The following NMU variants were observed in gnomAD, a reference collection of about 807,000 sequenced individuals.
The protein encoded by NMU is neuromedin-U.
NMU carries 29 observed loss-of-function variants against 35.4 expected under a neutral mutation model. That is an observed-to-expected ratio of 0.82 (90% CI 0.61 to 1.12). The LOEUF (loss-of-function observed/expected upper bound fraction) is 1.12. Among genes scored for constraint, NMU ranks in the 50% most tolerant of loss-of-function variants. The pLI is 0.00. For synonymous variants in NMU, 78 were observed against 81.3 expected, an observed-to-expected ratio of 0.96 and a Z score of 0.22; for missense variants, 199 against 206.2, an observed-to-expected ratio of 0.97 and a Z score of 0.21.
Position 55,616,304 on chromosome 4 carries a change from T to C in NMU, c.219+34A>G, listed in dbSNP as rs1734106606. 1.9e-6 allele frequency: 3 copies of C among 1,542,800 alleles called. No individual in the cohort carries two copies. In the South Asian group the frequency reaches 3.3e-5, roughly 17 times the overall value. ...AGAGTTTAAGCACTACACAAACACC[T>C]ACATTATTACAAAATATCTTCAATT... On this transcript the variant is annotated intron_variant, in intron 3 of 9. Transcript: ENST00000264218.
intron 1 of NMU, among the ~76,000 whole-genome samples, chr4:55,631,391 C>T (rs1734747569): frequency 6.6e-6 from 1 of 152,070 alleles, no homozygotes; most frequent in South Asian, 2.1e-4. Flanking sequence ...ACAGACAACC[C>T]ACAGAGTAGG....
intron 1 of NMU, among the ~76,000 whole-genome samples, chr4:55,635,567 C>A (rs1019279861): frequency 2.0e-5 from 3 of 152,200 alleles, no homozygotes; most frequent in Non-Finnish European, 4.4e-5. Flanking sequence ...GCCCGTTGTA[C>A]CGCTCAGGTT....
chr4:55,598,155 A>G (rs1361559852), intron 9 of NMU, among the ~76,000 whole-genome samples: 1 of 139,822 alleles, frequency 7.2e-6, no homozygotes, highest in Non-Finnish European at 1.5e-5. Flanking sequence ...AATGCAGAGG[A>G]AAGATCATAG....
At chr4:55,619,855 C>T (rs1297400699) in intron 2 of NMU, among the ~76,000 whole-genome samples, 3 of 133,828 alleles carry the variant, frequency 2.2e-5, no homozygotes, top group East Asian at 4.5e-4. Flanking sequence ...GGGTCCCTGA[C>T]CCCTGACCCC....
chr4:55,626,996 A>G (rs1301573159), intron 2 of NMU, among the ~76,000 whole-genome samples: 1 of 151,912 alleles, frequency 6.6e-6, no homozygotes, highest in Non-Finnish European at 1.5e-5. Context: ...TCATCCACCA[A>G]CTCCCTTTGG....
At position 55,630,440 on chromosome 4, in the gene NMU, C is replaced by T; in HGVS notation, c.133G>A (p.Gly45Arg). 6.2e-7 allele frequency: 1 copy of T among 1,612,348 alleles called. No homozygotes were observed. Among genetic ancestry groups the T allele is most frequent in the Non-Finnish European group, 8.5e-7 (1 of 1,178,778 alleles). ...TGTAGCTGTTGTTCAGGCTGTAATCCTTGAGGTAATATTGGAGCACCTAAA... is the reference window on the plus strand; with the variant it reads ...TGTAGCTGTTGTTCAGGCTGTAATCTTTGAGGTAATATTGGAGCACCTAAA... ...ACRGAPILPQ[G>R]LQPEQQLQLW... Residue 45 changes from glycine (G) to arginine (R), a missense_variant, in exon 2 of 10, where the codon GGA becomes AGA. By Grantham distance (125) the Gly-to-Arg change is moderately radical (BLOSUM62 -2). Transcript: ENST00000264218.
At chr4:55,611,024 G>C (rs1370078983) in intron 3 of NMU, among the ~76,000 whole-genome samples, 1 of 152,180 alleles carries the variant, frequency 6.6e-6, no homozygotes, top group African/African-American at 2.4e-5. Context: ...GCATGTTTGT[G>C]TTATAAGCCA....
At chr4:55,604,865 A>G (rs1228071474) in intron 7 of NMU, among the ~76,000 whole-genome samples, 2 of 151,540 alleles carry the variant, frequency 1.3e-5, no homozygotes, top group Non-Finnish European at 2.9e-5. Flanking sequence ...ACTTGAGCAG[A>G]AAGCTTGCCA....
At chr4:55,606,582 T>C (rs919183260) in intron 6 of NMU, among the ~76,000 whole-genome samples, 4 of 152,170 alleles carry the variant, frequency 2.6e-5, no homozygotes, top group Admixed American at 2.6e-4. Flanking sequence ...TTTGCAACAA[T>C]TGCCATCTGA....
chr4:55,610,414 G>T (rs1733878323), intron 3 of NMU, among the ~76,000 whole-genome samples: 1 of 150,824 alleles, frequency 6.6e-6, no homozygotes, highest in African/African-American at 2.4e-5. Context: ...AGTGAGCCGA[G>T]ATCTCGACAC....
rs1733757492 is a variant in NMU at position 55,607,897 on chromosome 4, G to T, written c.280-431C>A. ...TCCATAAAAAAATTTTTAGCCGGGC[G>T]CGGTGGCTTGCGCCTGTAATCCCAG... On this transcript the variant is annotated intron_variant, in intron 4 of 9. Coordinates refer to ENST00000264218, the MANE Select transcript of NMU (RefSeq NM_006681.4). 2.0e-5 allele frequency among the ~76,000 whole-genome samples: 3 copies of T among 152,216 alleles called. No homozygotes were observed. The South Asian group carries it at 6.2e-4, about 32-fold the overall frequency.
chr4:55,618,717 TTC>T (rs751755173), intron 2 of NMU, among the ~76,000 whole-genome samples: 35 of 129,556 alleles, frequency 2.7e-4, no homozygotes, highest in South Asian at 8.4e-4. Flanking sequence ...TTTTTCTTTC[TTC>T]TCTCTTTCTT....
Position 55,607,275 on chromosome 4 carries a change from TAAG to T in NMU, c.360+20_360+22del, listed in dbSNP as rs767843444. On this transcript the variant is annotated intron_variant, in intron 6 of 9. Coordinates refer to ENST00000264218, the MANE Select transcript of NMU (RefSeq NM_006681.4). Reference sequence around the variant, plus strand: ...CTTTTAAACAAATATTAGTGATTACTAAGAAGTAGTTCTACAACTTACCACAAC... The same window carrying T: ...CTTTTAAACAAATATTAGTGATTACTAAGTAGTTCTACAACTTACCACAAC... The T allele has an allele frequency of 5.2e-6, 8 of 1,537,046 alleles. No individual in the cohort carries two copies. The highest frequency in any genetic ancestry group is 7.2e-6 in the Non-Finnish European group (8 of 1,110,578).
At chr4:55,631,799 A>T (rs1734764581) in intron 1 of NMU, among the ~76,000 whole-genome samples, 1 of 152,260 alleles carries the variant, frequency 6.6e-6, no homozygotes, top group East Asian at 1.9e-4. Flanking sequence ...TTGATCCAGC[A>T]ATCCCATTAC....
At chr4:55,605,162 A>C in intron 7 of NMU, 113 bp downstream of exon 7, 1 of 791,556 alleles carries the variant, frequency 1.3e-6, no homozygotes, top group Non-Finnish European at 2.3e-6. Flanking sequence ...ACTGGGTATT[A>C]GTGTGGGCTT....
At chr4:55,595,704 G>A (rs902343092) in intron 9 of NMU, among the ~76,000 whole-genome samples, 5 of 146,454 alleles carry the variant, frequency 3.4e-5, no homozygotes, top group South Asian at 4.3e-4. Context: ...GCAGTGGCGC[G>A]ATCTTGGCTC....
At chr4:55,630,351 T>C (rs1286519049) in intron 2 of NMU, 51 bp downstream of exon 2, 1 of 1,331,500 alleles carries the variant, frequency 7.5e-7, no homozygotes, top group Admixed American at 1.7e-5. Flanking sequence ...AACATGATAA[T>C]TTCAAAGAAG....
At position 55,600,727 on chromosome 4, in the gene NMU, T is replaced by C. The variant is rs907721208; in HGVS notation, c.436-152A>G. The C allele has an allele frequency of 1.8e-5, 11 of 623,718 alleles. No individual in the cohort carries two copies. In the African/African-American group the frequency reaches 2.0e-4, roughly 12 times the overall value. 38.6% of individuals were successfully genotyped at this position (623,718 alleles called of 1,614,324 possible). On this transcript the variant is annotated intron_variant, in intron 7 of 9. Transcript: ENST00000264218. ...ACTTGAATAGAGAATTTTTGTATCA[T>C]ACCTGAAAATTTTCAACAACTAGCA...
chr4:55,605,143 C>T (rs889534360), intron 7 of NMU, 132 bp downstream of exon 7: 79 of 743,792 alleles, frequency 1.1e-4, no homozygotes, highest in South Asian at 8.7e-4. Context: ...GATGCTCTTA[C>T]ATTGGCTAAC....
Sources: gnomAD v4.1 joint callset for allele counts (sites outside exome capture counted in the v4.1 genomes callset) on GRCh38, gnomAD v4.1.1 for gene constraint, MANE v1.5 for transcripts, NCBI Gene and HGNC (gene_info 2026-07-23, HGNC 2026-07-21) for gene names.